The following DUS4L variants were observed in gnomAD, a reference collection of about 807,000 sequenced individuals.
DUS4L encodes the protein dihydrouridine synthase 4 like.
A neutral mutation model predicts 33.8 loss-of-function variants in DUS4L; 31 were observed. That is an observed-to-expected ratio of 0.92 (90% CI 0.69 to 1.24). The LOEUF is 1.24. Among genes scored for constraint, DUS4L ranks in the 50% most tolerant of loss-of-function variants. DUS4L has a pLI of 0.00. For missense variants in DUS4L, 368 were observed against 388.6 expected (o/e 0.95, Z 0.45); for synonymous variants, 103 against 120.3 (o/e 0.86, Z 0.94).
rs1219547174 is a variant in DUS4L at position 107,576,247 on chromosome 7, GTAA to G, written c.480-113_480-111del. The G allele has an allele frequency of 4.1e-6, 4 of 981,786 alleles. No individual in the cohort carries two copies. In the African/African-American group the frequency reaches 5.0e-5, roughly 12 times the overall value. The allele number at this position is 981,786 out of a possible 1,614,324, so 60.8% of individuals were successfully genotyped here. ...AAAACCTTGCTGATAATGACATAGA[GTAA>G]TAATATGATATAGCAAAGCTAACTA... On this transcript the variant is annotated intron_variant, in intron 6 of 7. Transcript: ENST00000265720.
chr7:107,570,334 C>G (rs1049486450), intron 3 of DUS4L: 1 of 152,154 alleles, frequency 6.6e-6, no homozygotes, highest in Non-Finnish European at 1.5e-5. Context: ...GGGTGAGGAG[C>G]TCCTCATTAC....
At chr7:107,573,414 T>C (rs1446880228) in intron 4 of DUS4L, among the ~76,000 whole-genome samples, 2 of 152,222 alleles carry the variant, frequency 1.3e-5, no homozygotes, top group East Asian at 3.8e-4. Context: ...AAAAAAATTG[T>C]TCTGGAATGC....
chr7:107,575,429 T>C (rs1805638249), intron 6 of DUS4L, 119 bp downstream of exon 6: 7 of 1,132,362 alleles, frequency 6.2e-6, no homozygotes, highest in African/African-American at 1.6e-5. Flanking sequence ...AGCTGGTGTA[T>C]GGAAATGTTG....
rs750211473 is a variant in DUS4L, at chr7:107,571,112, T to C, written c.117-33T>C. On this transcript the variant is annotated intron_variant, in intron 3 of 7. Transcript: ENST00000265720. ...CACTAAAATATGTTTGTGGTGTTTCTAAATGCATAATTAAGGTTTTATATG... is the reference window on the plus strand; with the variant it reads ...CACTAAAATATGTTTGTGGTGTTTCCAAATGCATAATTAAGGTTTTATATG... The C allele has an allele frequency of 1.9e-6, 3 of 1,612,324 alleles. No homozygotes were observed. The East Asian group carries it at 6.7e-5, about 36-fold the overall frequency.
Position 107,576,301 on chromosome 7 carries a change from G to T in DUS4L, c.480-65G>T, listed in dbSNP as rs909172729. 9 of 1,435,658 alleles carry T rather than the reference G, an allele frequency of 6.3e-6. 1 individual carries two copies. The Admixed American group carries it at 1.6e-4, about 25-fold the overall frequency. 88.9% of individuals were successfully genotyped at this position (1,435,658 alleles called of 1,614,324 possible). A position where few individuals can be genotyped will look rare whatever the true frequency, so the allele number is the denominator to read the frequency against. ...ATTTGGTAGATGAAATACCATTTTAGTCAGTTAATGTTAGCATTAAGATTT... is the reference window on the plus strand; with the variant it reads ...ATTTGGTAGATGAAATACCATTTTATTCAGTTAATGTTAGCATTAAGATTT... On this transcript the variant is annotated intron_variant, in intron 6 of 7. Transcript: ENST00000265720.
chr7:107,569,191 A>G (rs1804976003), intron 3 of DUS4L, among the ~76,000 whole-genome samples: 2 of 152,226 alleles, frequency 1.3e-5, no homozygotes, highest in South Asian at 4.1e-4. Flanking sequence ...CAACAAGAGT[A>G]AAACTCCGTC....
chr7:107,565,882 A>G (rs1401918830), intron 2 of DUS4L, among the ~76,000 whole-genome samples: 2 of 152,212 alleles, frequency 1.3e-5, no homozygotes, highest in African/African-American at 2.4e-5. Flanking sequence ...GCCATTTACT[A>G]TGACTGCAGG....
At position 107,564,087 on chromosome 7, in the gene DUS4L, C is replaced by G; in HGVS notation, c.-233C>G. 1 of 1,334,880 alleles carries G rather than the reference C, an allele frequency of 7.5e-7. No homozygotes were observed. Among genetic ancestry groups the G allele is most frequent in the South Asian group, 1.3e-5 (1 of 78,592 alleles). 82.7% of individuals were successfully genotyped at this position (1,334,880 alleles called of 1,614,324 possible). On this transcript the variant is annotated 5_prime_UTR_variant, in exon 1 of 8. Coordinates refer to ENST00000265720, the MANE Select transcript of DUS4L (RefSeq NM_181581.3). ...ACTCGAGCAGTGGGCGCCCAGGGTC[C>G]GAGTGCTCTGCGCCCAGCGCACCGA...
At chr7:107,575,946 G>A (rs1031678686) in intron 6 of DUS4L, among the ~76,000 whole-genome samples, 3 of 152,188 alleles carry the variant, frequency 2.0e-5, no homozygotes, top group Non-Finnish European at 2.9e-5. Context: ...ACCTGCCTCA[G>A]CCTCTCAATG....
At chr7:107,569,199 G>C (rs1442747262) in intron 3 of DUS4L, among the ~76,000 whole-genome samples, 1 of 152,106 alleles carries the variant, frequency 6.6e-6, no homozygotes, top group Admixed American at 6.5e-5. Flanking sequence ...GTAAAACTCC[G>C]TCTCAAAAAT....
At chr7:107,572,745 G>T (rs961079692) in intron 4 of DUS4L, among the ~76,000 whole-genome samples, 6 of 151,868 alleles carry the variant, frequency 4.0e-5, no homozygotes, top group African/African-American at 1.5e-4. Flanking sequence ...AGCTACTTGG[G>T]AGACTGAGCC....
At chr7:107,566,788 T>C (rs1164221274) in intron 2 of DUS4L, among the ~76,000 whole-genome samples, 3 of 145,692 alleles carry the variant, frequency 2.1e-5, no homozygotes, top group African/African-American at 7.4e-5. Flanking sequence ...CATGGTAAAC[T>C]AGGGAAAAAA....
intron 2 of DUS4L, among the ~76,000 whole-genome samples, chr7:107,564,964 T>G (rs182768379): frequency 6.6e-6 from 1 of 152,368 alleles, no homozygotes; most frequent in Non-Finnish European, 1.5e-5. Flanking sequence ...CTAAGTATTT[T>G]ATAACTCAAT....
In DUS4L at chr7:107,578,032, T is replaced by C. The variant is rs144438000; in HGVS notation, c.*472T>C. ...ATGAAAAAGAACAGGAAATTCTGAA[T>C]AGAATTGCACTCAGAACTTATATTA... On this transcript the variant is annotated 3_prime_UTR_variant, in exon 8 of 8. Transcript: ENST00000265720. 8.4e-3 allele frequency: 1,282 copies of C among 152,906 alleles called. 11 individuals are homozygous for C. The highest frequency in any genetic ancestry group is 0.02 in the Middle Eastern group (6 of 294). 9.5% of individuals were successfully genotyped at this position (152,906 alleles called of 1,614,324 possible). A position where few individuals can be genotyped will look rare whatever the true frequency, so the allele number is the denominator to read the frequency against.
At chr7:107,571,548 C>T (rs1381720962) in intron 4 of DUS4L, among the ~76,000 whole-genome samples, 1 of 152,174 alleles carries the variant, frequency 6.6e-6, no homozygotes, top group Non-Finnish European at 1.5e-5. Flanking sequence ...CCAAACTATC[C>T]TCCAAGGAGA....
chr7:107,570,334 C>T (rs1049486450), intron 3 of DUS4L: 1 of 152,272 alleles, frequency 6.6e-6, no homozygotes, highest in African/African-American at 2.4e-5. Flanking sequence ...GGGTGAGGAG[C>T]TCCTCATTAC....
chr7:107,564,296 G>A (rs1356909105), intron 1 of DUS4L, 87 bp downstream of exon 1: 2 of 458,540 alleles, frequency 4.4e-6, no homozygotes, highest in East Asian at 8.3e-5. Flanking sequence ...AGGCAGGAGA[G>A]CAGAGCGGAG....
At position 107,564,048 on chromosome 7, in the gene DUS4L, G is replaced by A. The variant is rs1046474263; in HGVS notation, c.-272G>A. The A allele has an allele frequency of 3.9e-6, 6 of 1,522,910 alleles. No individual in the cohort carries two copies. The highest frequency in any genetic ancestry group is 4.4e-6 in the Non-Finnish European group (5 of 1,133,588). 94.3% of individuals were successfully genotyped at this position (1,522,910 alleles called of 1,614,324 possible). On this transcript the variant is annotated 5_prime_UTR_variant, in exon 1 of 8. Coordinates refer to ENST00000265720, the MANE Select transcript of DUS4L (RefSeq NM_181581.3). ...CCCGCGCCTGGGCTAAGCCTGGCTA[G>A]GAGCCGCGCAGGTACTCGAGCAGTG...
At position 107,576,214 on chromosome 7, in the gene DUS4L, C is replaced by T; in HGVS notation, c.480-152C>T. The T allele has an allele frequency of 9.2e-6, 7 of 758,936 alleles. No individual in the cohort carries two copies. The South Asian group carries it at 1.4e-4, about 15-fold the overall frequency. The allele number at this position is 758,936 out of a possible 1,614,324, so 47.0% of individuals were successfully genotyped here. On this transcript the variant is annotated intron_variant, in intron 6 of 7. Coordinates refer to ENST00000265720, the MANE Select transcript of DUS4L (RefSeq NM_181581.3). Reference sequence around the variant, plus strand: ...TTTGAGGTCTTGTGTAGGAACTGCTCCCTGAAGAAAACCTTGCTGATAATG... The same window carrying T: ...TTTGAGGTCTTGTGTAGGAACTGCTTCCTGAAGAAAACCTTGCTGATAATG...
Sources: allele counts gnomAD v4.1 joint callset (sites outside exome capture counted in the v4.1 genomes callset), GRCh38; gene constraint gnomAD v4.1.1; transcripts MANE v1.5; gene names NCBI Gene and HGNC (gene_info 2026-07-23, HGNC 2026-07-21).